The following GNPDA2 variants were observed in gnomAD, a reference collection of about 807,000 sequenced individuals.
The protein encoded by GNPDA2 is glucosamine-6-phosphate deaminase 2, also known as glcN6P deaminase 2.
In GNPDA2, 24 loss-of-function variants were observed where a neutral mutation model predicts 27.0. The observed-to-expected ratio is 0.89, with a 90% CI of 0.64 to 1.25. GNPDA2 has a LOEUF of 1.25. Ranked by LOEUF, GNPDA2 falls within the 50% of genes most tolerant of loss-of-function variation. The pLI, the probability that GNPDA2 is intolerant of heterozygous loss-of-function variation, is 0.00. For missense variants in GNPDA2, 286 were observed against 335.1 expected (o/e 0.85, Z 1.14); for synonymous variants, 94 against 108.4 (o/e 0.87, Z 0.83).
In GNPDA2 at chr4:44,702,526, T is replaced by C. The variant is rs550455282; in HGVS notation, c.*555A>G. Reference sequence around the variant, plus strand: ...GGATGTAAACTGTACTTTTAGGCACTGTCATCTCTTCAAATTTCCTTTACC... The same window carrying C: ...GGATGTAAACTGTACTTTTAGGCACCGTCATCTCTTCAAATTTCCTTTACC... On this transcript the variant is annotated 3_prime_UTR_variant, in exon 7 of 7. Transcript: ENST00000295448. 2.0e-6 allele frequency: 2 copies of C among 986,346 alleles called. No individual in the cohort carries two copies. The highest frequency in any genetic ancestry group is 2.3e-4 in the East Asian group (2 of 8,814). The allele number at this position is 986,346 out of a possible 1,614,324, so 61.1% of individuals were successfully genotyped here.
At chr4:44,722,327 T>C (rs1016314167) in intron 1 of GNPDA2, 85 bp from the exon 2 acceptor site, 2 of 1,000,040 alleles carry the variant, frequency 2.0e-6, no homozygotes, top group Non-Finnish European at 1.4e-6. Context: ...AAATAATAAA[T>C]AGAGCACTGA....
intron 2 of GNPDA2, among the ~76,000 whole-genome samples, chr4:44,720,659 T>C (rs1015568973): frequency 5.9e-5 from 9 of 152,140 alleles, no homozygotes; most frequent in Non-Finnish European, 1.3e-4. Flanking sequence ...ATTACCGACA[T>C]GTATGTTCAA....
intron 5 of GNPDA2, among the ~76,000 whole-genome samples, chr4:44,709,267 G>A (rs1027670603): frequency 2.0e-5 from 3 of 152,014 alleles, no homozygotes; most frequent in Admixed American, 1.3e-4. Flanking sequence ...GGGAAGCTTA[G>A]TATAGGATGA....
chr4:44,721,396 C>A (rs1249232608), intron 2 of GNPDA2, among the ~76,000 whole-genome samples: 3 of 152,064 alleles, frequency 2.0e-5, no homozygotes, highest in Non-Finnish European at 2.9e-5. Flanking sequence ...GGGTATAGAA[C>A]AAATGCCTTG....
intron 6 of GNPDA2, chr4:44,704,958 G>A (rs188499307): frequency 1.3e-4 from 124 of 983,584 alleles, no homozygotes; most frequent in East Asian, 2.3e-4. Context: ...AAATCCCCAC[G>A]TACTAAACTT....
intron 2 of GNPDA2, among the ~76,000 whole-genome samples, chr4:44,721,306 C>T (rs1383886003): frequency 6.6e-6 from 1 of 152,120 alleles, no homozygotes; most frequent in Non-Finnish European, 1.5e-5. Context: ...CTTACACATA[C>T]ACTATCTTAG....
At chr4:44,720,261 G>C (rs1338895117) in intron 2 of GNPDA2, among the ~76,000 whole-genome samples, 1 of 152,084 alleles carries the variant, frequency 6.6e-6, no homozygotes, top group East Asian at 1.9e-4. Context: ...CCATTTTGAA[G>C]ACAAAATAAC....
chr4:44,709,995 T>C (rs1361788272), intron 5 of GNPDA2, among the ~76,000 whole-genome samples: 3 of 151,890 alleles, frequency 2.0e-5, no homozygotes, highest in Admixed American at 6.6e-5. Context: ...ATTTGAGTAA[T>C]TGTTTGTTCT....
At chr4:44,711,838 C>T (rs1553878853) in intron 4 of GNPDA2, among the ~76,000 whole-genome samples, 1 of 135,658 alleles carries the variant, frequency 7.4e-6, no homozygotes, top group Non-Finnish European at 1.6e-5. Flanking sequence ...TACACATATA[C>T]AACACAAACA....
chr4:44,724,317 A>G (rs1167472221), intron 1 of GNPDA2, among the ~76,000 whole-genome samples: 2 of 152,202 alleles, frequency 1.3e-5, no homozygotes, highest in Non-Finnish European at 2.9e-5. Flanking sequence ...CTACTGCCTC[A>G]CTGTGAATAG....
chr4:44,702,003 T>A lies in GNPDA2; in HGVS notation c.*1078A>T. On this transcript the variant is annotated 3_prime_UTR_variant, in exon 7 of 7. Coordinates refer to ENST00000295448, the MANE Select transcript of GNPDA2 (RefSeq NM_138335.3). The stretch of plus-strand genomic sequence containing the variant: ...CAAAATAAGCAAAAGGAGCATTTTT[T>A]TGCTCCCCACAGAGGCAAAGACATC... 1 of 985,394 alleles carries A rather than the reference T, an allele frequency of 1.0e-6. No homozygotes were observed. The highest frequency in any genetic ancestry group is 1.2e-6 in the Non-Finnish European group (1 of 829,722). 61.0% of individuals were successfully genotyped at this position (985,394 alleles called of 1,614,324 possible).
intron 5 of GNPDA2, among the ~76,000 whole-genome samples, chr4:44,708,313 G>A (rs1386593634): frequency 6.6e-6 from 1 of 152,088 alleles, no homozygotes. Flanking sequence ...CCAAGTTGCT[G>A]TAGTCTAGAT....
intron 2 of GNPDA2, among the ~76,000 whole-genome samples, chr4:44,720,792 T>C (rs936856315): frequency 6.6e-6 from 1 of 152,146 alleles, no homozygotes; most frequent in Non-Finnish European, 1.5e-5. Flanking sequence ...TACTAGCAGT[T>C]ATACTACCCA....
At chr4:44,716,859 G>GT (rs1482056348) in intron 4 of GNPDA2, among the ~76,000 whole-genome samples, 1 of 151,842 alleles carries the variant, frequency 6.6e-6, no homozygotes, top group Admixed American at 6.6e-5. Flanking sequence ...AATTAACAGA[G>GT]TTTAACGGGG....
chr4:44,724,095 G>A (rs1324350530), intron 1 of GNPDA2, among the ~76,000 whole-genome samples: 1 of 152,238 alleles, frequency 6.6e-6, no homozygotes, highest in East Asian at 1.9e-4. Flanking sequence ...GGGGAGATGG[G>A]TTTTTTCCTT....
rs1277173902 is a variant in GNPDA2, at chr4:44,703,342, T to C, written c.770-200A>G. On this transcript the variant is annotated intron_variant, in intron 6 of 6. Coordinates refer to ENST00000295448, the MANE Select transcript of GNPDA2 (RefSeq NM_138335.3). ...TATCTACCTAGCAAATACCAATTTA[T>C]AATTATGTAACAGTGCAGATCTAGA... The C allele has an allele frequency of 5.2e-6, 7 of 1,358,748 alleles. No individual in the cohort carries two copies. The South Asian group carries it at 1.1e-4, about 21-fold the overall frequency. 84.2% of individuals were successfully genotyped at this position (1,358,748 alleles called of 1,614,324 possible).
chr4:44,712,449 T>C (rs1717035859), intron 4 of GNPDA2, among the ~76,000 whole-genome samples: 1 of 152,146 alleles, frequency 6.6e-6, no homozygotes, highest in Non-Finnish European at 1.5e-5. Flanking sequence ...AATTTATGAA[T>C]TTTTAATATG....
Position 44,707,933 on chromosome 4 carries a change from A to G in GNPDA2, c.595-7T>C. ...CTGTTATAAGGATCATTACCTGAAA[A>G]ATTATGAACATCAATTGTTAAAACT... On this transcript the variant is annotated splice_polypyrimidine_tract_variant and splice_region_variant and intron_variant, in intron 5 of 6. Coordinates refer to ENST00000295448, the MANE Select transcript of GNPDA2 (RefSeq NM_138335.3). The G allele has an allele frequency of 6.4e-7, 1 of 1,553,188 alleles. No individual in the cohort carries two copies. Among genetic ancestry groups the G allele is most frequent in the Non-Finnish European group, 8.7e-7 (1 of 1,144,020 alleles).
rs1331455666 is a variant in GNPDA2, at chr4:44,718,025, C to CT, written c.226+283dup. On this transcript the variant is annotated intron_variant, in intron 3 of 6. Coordinates refer to ENST00000295448, the MANE Select transcript of GNPDA2 (RefSeq NM_138335.3). The stretch of plus-strand genomic sequence containing the variant: ...AGAATAAGAAATGTGAGTAGACTGG[C>CT]TTAAAGTTACATCACTGTTGAGTGG... Among the ~76,000 whole-genome samples, 7 of 151,930 alleles carry CT rather than the reference C, an allele frequency of 4.6e-5. No individual in the cohort carries two copies. In the East Asian group the frequency reaches 1.4e-3, roughly 29 times the overall value.
Sources: gnomAD v4.1 joint callset for allele counts (sites outside exome capture counted in the v4.1 genomes callset) on GRCh38, gnomAD v4.1.1 for gene constraint, MANE v1.5 for transcripts, NCBI Gene and HGNC (gene_info 2026-07-23, HGNC 2026-07-21) for gene names.